WWOX: variants seen among roughly 807,000 people sequenced by gnomAD.
WWOX encodes WW domain containing oxidoreductase.
A neutral mutation model predicts 46.2 loss-of-function variants in WWOX; 69 were observed. The ratio of observed to expected loss-of-function variants is 1.49; its 90% CI spans 1.23 to 1.82. WWOX has a LOEUF of 1.82. WWOX is among the 40% of genes most tolerant of loss of function. The probability of loss-of-function intolerance (pLI) is 0.00; values close to 1 mark genes in which losing one functional copy is unlikely to be tolerated. For missense variants in WWOX, 919 were observed against 542.6 expected, an observed-to-expected ratio of 1.69 and a Z score of -6.89; for synonymous variants, 359 against 202.6, an observed-to-expected ratio of 1.77 and a Z score of -6.56.
At chr16:79,038,442 T>C (rs1052464491) in intron 8 of WWOX, among the ~76,000 whole-genome samples, 2 of 152,114 alleles carry the variant, frequency 1.3e-5, no homozygotes, top group African/African-American at 4.8e-5. Flanking sequence ...GCCCTAGACA[T>C]GCACAGAAAA....
chr16:78,659,401 C>G (rs557234660), intron 8 of WWOX, among the ~76,000 whole-genome samples: 1 of 152,238 alleles, frequency 6.6e-6, no homozygotes, highest in African/African-American at 2.4e-5. Context: ...GTTAGATGTG[C>G]TCACCCTCAG....
intron 4 of WWOX, among the ~76,000 whole-genome samples, chr16:78,133,863 G>A (rs748083238): frequency 6.6e-6 from 1 of 152,182 alleles, no homozygotes; most frequent in Admixed American, 6.5e-5. Flanking sequence ...AGCTGAGCTT[G>A]CAAGGGAAGA....
At chr16:78,587,740 A>T (rs564425909) in intron 8 of WWOX, among the ~76,000 whole-genome samples, 1 of 152,058 alleles carries the variant, frequency 6.6e-6, no homozygotes, top group African/African-American at 2.4e-5. Flanking sequence ...GTGGAGCTGG[A>T]TATAGACATT....
At chr16:78,559,580 T>C (rs1417200420) in intron 8 of WWOX, among the ~76,000 whole-genome samples, 1 of 152,212 alleles carries the variant, frequency 6.6e-6, no homozygotes, top group Non-Finnish European at 1.5e-5. Context: ...AGGCTCTAAG[T>C]GCGTATGCTT....
At chr16:79,090,651 A>T (rs2048941220) in intron 8 of WWOX, among the ~76,000 whole-genome samples, 1 of 152,116 alleles carries the variant, frequency 6.6e-6, no homozygotes, top group Non-Finnish European at 1.5e-5. Flanking sequence ...TTCCTGTCCG[A>T]AGAGGTGCAG....
intron 8 of WWOX, among the ~76,000 whole-genome samples, chr16:78,671,397 C>A (rs1275859625): frequency 6.6e-6 from 1 of 152,130 alleles, no homozygotes; most frequent in Non-Finnish European, 1.5e-5. Flanking sequence ...TGCACTCCGG[C>A]CTGGGTGATA....
chr16:78,195,658 C>G (rs2036024875), intron 5 of WWOX, among the ~76,000 whole-genome samples: 1 of 151,762 alleles, frequency 6.6e-6, no homozygotes, highest in Non-Finnish European at 1.5e-5. Flanking sequence ...CCTGTCTCTA[C>G]TAAAAATACA....
At chr16:78,968,414 C>T (rs1265056425) in intron 8 of WWOX, among the ~76,000 whole-genome samples, 1 of 152,230 alleles carries the variant, frequency 6.6e-6, no homozygotes, top group Non-Finnish European at 1.5e-5. Context: ...AGACCAGGTC[C>T]TGGTGGTAGC....
intron 8 of WWOX, among the ~76,000 whole-genome samples, chr16:78,819,669 C>T (rs1435275011): frequency 1.3e-5 from 2 of 152,206 alleles, no homozygotes; most frequent in African/African-American, 2.4e-5. Flanking sequence ...CACCACCTTG[C>T]CCTTGAATTC....
intron 8 of WWOX, among the ~76,000 whole-genome samples, chr16:79,096,934 T>A (rs1358065411): frequency 2.6e-5 from 4 of 152,126 alleles, no homozygotes; most frequent in Admixed American, 2.6e-4. Flanking sequence ...GGTGGGGACA[T>A]CTGTGGGCAT....
At chr16:78,553,839 A>G (rs941381077) in intron 8 of WWOX, among the ~76,000 whole-genome samples, 11 of 151,986 alleles carry the variant, frequency 7.2e-5, no homozygotes, top group African/African-American at 2.7e-4. Flanking sequence ...CACAGCTGGC[A>G]AAGGGAAGTG....
chr16:78,747,482 C>A (rs1051067778), intron 8 of WWOX, among the ~76,000 whole-genome samples: 1 of 152,074 alleles, frequency 6.6e-6, no homozygotes, highest in Non-Finnish European at 1.5e-5. Flanking sequence ...TATGTGCCAG[C>A]GTTCTTAGCA....
intron 8 of WWOX, among the ~76,000 whole-genome samples, chr16:78,828,538 T>C (rs2051724800): frequency 6.6e-6 from 1 of 151,424 alleles, no homozygotes; most frequent in South Asian, 2.1e-4. Flanking sequence ...TAATTATATA[T>C]AATAATAATT....
chr16:78,467,767 A>G (rs2084115758), intron 8 of WWOX, among the ~76,000 whole-genome samples: 1 of 152,230 alleles, frequency 6.6e-6, no homozygotes, highest in African/African-American at 2.4e-5. Flanking sequence ...ATTAGACATT[A>G]TAGCACTGAA....
chr16:79,084,227 T>C (rs916006299), intron 8 of WWOX, among the ~76,000 whole-genome samples: 22 of 152,286 alleles, frequency 1.4e-4, no homozygotes, highest in Middle Eastern at 3.4e-3. Flanking sequence ...ATGCATTTCT[T>C]GTTCCTAGTG....
At chr16:78,670,430 T>C (rs555410550) in intron 8 of WWOX, among the ~76,000 whole-genome samples, 1 of 152,266 alleles carries the variant, frequency 6.6e-6, no homozygotes, top group South Asian at 2.1e-4. Context: ...GTGTGTTACG[T>C]TATGAGAACT....
intron 5 of WWOX, among the ~76,000 whole-genome samples, chr16:78,308,056 AC>A (rs140530791): frequency 0.052 from 7,942 of 152,240 alleles, 343 homozygotes; most frequent in Admixed American, 0.13. Context: ...TGGTGCCTGC[AC>A]TAGCAGGGAC....
At chr16:78,576,123 T>C (rs541543341) in intron 8 of WWOX, among the ~76,000 whole-genome samples, 531 of 152,290 alleles carry the variant, frequency 3.5e-3, no homozygotes, top group Non-Finnish European at 5.9e-3. Context: ...TACCGTTGCA[T>C]AGAATGACTC....
intron 8 of WWOX, among the ~76,000 whole-genome samples, chr16:78,856,710 TA>T (rs896319647): frequency 3.5e-4 from 54 of 152,250 alleles, no homozygotes; most frequent in Admixed American, 1.2e-3. Flanking sequence ...TTCAGTACTT[TA>T]AAAAAATGTA....
Sources: allele counts gnomAD v4.1 joint callset (sites outside exome capture counted in the v4.1 genomes callset), GRCh38; gene constraint gnomAD v4.1.1; transcripts MANE v1.5; gene names NCBI Gene and HGNC (gene_info 2026-07-23, HGNC 2026-07-21).